Variants in DPP10 observed in about 807,000 individuals in gnomAD.
The protein encoded by DPP10 is dipeptidyl peptidase like 10.
In DPP10, 33 loss-of-function variants were observed where a neutral mutation model predicts 120.9. That is an observed-to-expected ratio of 0.27 (90% CI 0.21 to 0.37). DPP10 has a LOEUF of 0.37. DPP10 is among the 10% of genes least tolerant of loss of function. The pLI, the probability that DPP10 is intolerant of heterozygous loss-of-function variation, is 1.00. For missense variants in DPP10, 816 were observed against 942.8 expected, an observed-to-expected ratio of 0.87 and a Z score of 1.76; for synonymous variants, 337 against 326.1, an observed-to-expected ratio of 1.03 and a Z score of -0.36.
chr2:115,060,201 T>TTA lies in DPP10; in HGVS notation c.61-249025_61-249024dup, dbSNP rs112525581. ...ATATAGAGGTAGGTGATAAAGAAATTTATATATATATATACACTATATATA... is the reference window on the plus strand; with the variant it reads ...ATATAGAGGTAGGTGATAAAGAAATTTATATATATATATATACACTATATATA... On this transcript the variant is annotated intron_variant, in intron 1 of 25. Transcript: ENST00000410059. Among the ~76,000 whole-genome samples the TTA allele has an allele frequency of 1.5e-3, 229 of 148,158 alleles. 1 individual carries two copies. The highest frequency in any genetic ancestry group is 4.4e-3 in the African/African-American group (178 of 40,740).
At chr2:115,227,858 A>G (rs951881106) in intron 1 of DPP10, among the ~76,000 whole-genome samples, 1 of 150,470 alleles carries the variant, frequency 6.6e-6, no homozygotes, top group African/African-American at 2.4e-5. Flanking sequence ...TTATTTATTT[A>G]TATTAATTTT....
At position 115,592,589 on chromosome 2, in the gene DPP10, C is replaced by A. The variant is rs140150402; in HGVS notation, c.441+66617C>A. On this transcript the variant is annotated intron_variant, in intron 5 of 25. Coordinates refer to ENST00000410059, the MANE Select transcript of DPP10 (RefSeq NM_020868.6). The stretch of plus-strand genomic sequence containing the variant: ...CTCTGCTAAAAAAAAACAAAAAAAA[C>A]AAAAAAAAAAACAAAAATTAGCTGG... Among the ~76,000 whole-genome samples the A allele has an allele frequency of 2.3e-3, 343 of 146,556 alleles. 1 individual carries two copies. Among genetic ancestry groups the A allele is most frequent in the East Asian group, 0.014 (69 of 4,964 alleles).
intron 1 of DPP10, among the ~76,000 whole-genome samples, chr2:114,794,089 CACA>C (rs1299184463): frequency 6.6e-6 from 1 of 152,050 alleles, no homozygotes; most frequent in East Asian, 1.9e-4. Context: ...ACCTGATAGC[CACA>C]ACAAGTTCAT....
At chr2:114,899,684 G>T (rs1433901780) in intron 1 of DPP10, among the ~76,000 whole-genome samples, 1 of 152,108 alleles carries the variant, frequency 6.6e-6, no homozygotes, top group Non-Finnish European at 1.5e-5. Flanking sequence ...AGGGCCAGGC[G>T]CGGTGGCTCA....
chr2:115,557,240 AT>A (rs200592626), intron 5 of DPP10, among the ~76,000 whole-genome samples: 1 of 151,946 alleles, frequency 6.6e-6, no homozygotes. Context: ...GTACCACATT[AT>A]TTTTTTCTTT....
intron 1 of DPP10, among the ~76,000 whole-genome samples, chr2:115,166,394 A>G (rs1223142057): frequency 6.6e-6 from 1 of 150,434 alleles, no homozygotes; most frequent in African/African-American, 2.4e-5. Flanking sequence ...TTGGTTATAA[A>G]AGATAATATA....
intron 7 of DPP10, among the ~76,000 whole-genome samples, chr2:115,703,116 G>A (rs1290235082): frequency 6.6e-6 from 1 of 151,856 alleles, no homozygotes; most frequent in Non-Finnish European, 1.5e-5. Flanking sequence ...ACCTTTAGAA[G>A]GAAAAACATA....
At chr2:114,790,873 G>C (rs546483345) in intron 1 of DPP10, among the ~76,000 whole-genome samples, 3 of 152,214 alleles carry the variant, frequency 2.0e-5, no homozygotes, top group Non-Finnish European at 4.4e-5. Flanking sequence ...GGGCGAATAC[G>C]TGCAGGTCAC....
intron 3 of DPP10, among the ~76,000 whole-genome samples, chr2:115,450,605 T>C (rs934251755): frequency 6.6e-6 from 1 of 152,000 alleles, no homozygotes; most frequent in Non-Finnish European, 1.5e-5. Context: ...AACATTACTC[T>C]TTCATCGTGA....
At chr2:115,183,971 G>T (rs551178265) in intron 1 of DPP10, among the ~76,000 whole-genome samples, 1 of 152,312 alleles carries the variant, frequency 6.6e-6, no homozygotes, top group East Asian at 1.9e-4. Flanking sequence ...GGAGACAGGA[G>T]GAGAGGTGCA....
In DPP10 at chr2:115,387,740, T is replaced by A. The variant is rs189109555; in HGVS notation, c.271+43828T>A. Among the ~76,000 whole-genome samples the A allele has an allele frequency of 3.6e-3, 549 of 152,302 alleles. 4 individuals carry two copies. Among genetic ancestry groups the A allele is most frequent in the African/African-American group, 0.012 (485 of 41,562 alleles). On this transcript the variant is annotated intron_variant, in intron 3 of 25. Transcript: ENST00000410059. ...CCATGTTTCACTTGGTTATTGTGCT[T>A]TTATAGGTCATAGGTAAAATACAAG...
chr2:115,461,765 T>C (rs2073999852), intron 3 of DPP10, among the ~76,000 whole-genome samples: 1 of 152,202 alleles, frequency 6.6e-6, no homozygotes, highest in Non-Finnish European at 1.5e-5. Context: ...GGTAAAAGTA[T>C]TATAAATAAT....
Position 114,791,136 on chromosome 2 carries a change from C to T in DPP10, c.60+348298C>T, listed in dbSNP as rs569176987. Among the ~76,000 whole-genome samples, 5 of 152,208 alleles carry T rather than the reference C, an allele frequency of 3.3e-5. No individual in the cohort carries two copies. In the South Asian group the frequency reaches 1.0e-3, roughly 32 times the overall value. On this transcript the variant is annotated intron_variant, in intron 1 of 25. Coordinates refer to ENST00000410059, the MANE Select transcript of DPP10 (RefSeq NM_020868.6). ...AAATAAATTCAAATGTTAGGTCATA[C>T]CAAACAGCAAAGAAGGCTTGTACAT... is the stretch of plus-strand genomic sequence containing the variant.
At chr2:114,841,984 C>T (rs1243213771) in intron 1 of DPP10, among the ~76,000 whole-genome samples, 1 of 152,112 alleles carries the variant, frequency 6.6e-6, no homozygotes, top group East Asian at 1.9e-4. Flanking sequence ...ATGAACTAGG[C>T]TAGAGCTAGA....
intron 1 of DPP10, among the ~76,000 whole-genome samples, chr2:114,720,957 A>G (rs1701667245): frequency 6.6e-6 from 1 of 152,176 alleles, no homozygotes; most frequent in South Asian, 2.1e-4. Context: ...ATGTCTTGGA[A>G]AAGAGCTGCC....
At chr2:115,542,270 C>T (rs879566940) in intron 5 of DPP10, among the ~76,000 whole-genome samples, 18 of 151,906 alleles carry the variant, frequency 1.2e-4, no homozygotes, top group African/African-American at 2.9e-4. Flanking sequence ...TCTGGCAACC[C>T]GTTTTCCATT....
intron 1 of DPP10, among the ~76,000 whole-genome samples, chr2:114,505,585 G>C (rs981080899): frequency 3.3e-5 from 5 of 151,992 alleles, no homozygotes; most frequent in African/African-American, 1.2e-4. Flanking sequence ...CATATTTTGA[G>C]GTGGCATGTC....
chr2:114,609,637 T>C (rs1436300372), intron 1 of DPP10, among the ~76,000 whole-genome samples: 1 of 152,128 alleles, frequency 6.6e-6, no homozygotes, highest in African/African-American at 2.4e-5. Context: ...TTGTCTAAAG[T>C]TGAAATCTGA....
At chr2:114,750,128 G>A (rs1393060607) in intron 1 of DPP10, among the ~76,000 whole-genome samples, 1 of 151,822 alleles carries the variant, frequency 6.6e-6, no homozygotes, top group Admixed American at 6.6e-5. Context: ...AAGAATAGGA[G>A]AACTGTGAAA....
Sources: gnomAD v4.1 joint callset for allele counts (sites outside exome capture counted in the v4.1 genomes callset) on GRCh38, gnomAD v4.1.1 for gene constraint, MANE v1.5 for transcripts, NCBI Gene and HGNC (gene_info 2026-07-23, HGNC 2026-07-21) for gene names.